TTI1: variants seen among roughly 807,000 people sequenced by gnomAD.
TTI1 encodes TELO2 interacting protein 1.
TTI1 carries 52 observed loss-of-function variants against 85.4 expected under a neutral mutation model. The observed-to-expected ratio is 0.61, with a 90% confidence interval of 0.49 to 0.77. The LOEUF is 0.77. Among genes scored for constraint, TTI1 ranks in the 30% least tolerant of loss-of-function variants. The pLI is 0.00. For synonymous variants in TTI1, 512 were observed against 503.9 expected, an observed-to-expected ratio of 1.02 and a Z score of -0.22; for missense variants, 1,173 against 1,296.0, an observed-to-expected ratio of 0.91 and a Z score of 1.46.
intron 7 of TTI1, chr20:37,987,366 T>C (rs1392013797): frequency 4.4e-6 from 2 of 456,628 alleles, no homozygotes; most frequent in Non-Finnish European, 8.8e-6. Context: ...TGGAAAATGT[T>C]CCCAATACAT....
chr20:37,998,819 T>C lies in TTI1; in HGVS notation c.2793+369A>G, dbSNP rs146645724. 3.5e-3 allele frequency among the ~76,000 whole-genome samples: 528 copies of C among 152,292 alleles called. 2 individuals carry two copies. The highest frequency in any genetic ancestry group is 0.012 in the African/African-American group (498 of 41,560). ...CAGTGCAAATATGGTGTGAACTCAATGCTCTGGGTTTGTATCACTTACTAG... is the reference window on the plus strand; with the variant it reads ...CAGTGCAAATATGGTGTGAACTCAACGCTCTGGGTTTGTATCACTTACTAG... On this transcript the variant is annotated intron_variant, in intron 5 of 7. Transcript: ENST00000373447.
At chr20:38,001,836 G>A (rs1331817641) in intron 4 of TTI1, among the ~76,000 whole-genome samples, 2 of 151,996 alleles carry the variant, frequency 1.3e-5, no homozygotes, top group African/African-American at 2.4e-5. Flanking sequence ...CTCCTGCCTC[G>A]GCCTCCCAAG....
At position 38,023,426 on chromosome 20, in the gene TTI1, G is replaced by A. The variant is rs142922095; in HGVS notation, c.-41-9569C>T. ...TGGGAATCTACAATTTTAAAACTTT[G>A]CAAGGTCAGTCCCATGGCCACTGAG... On this transcript the variant is annotated intron_variant, in intron 1 of 7. Transcript: ENST00000373447. 3.4e-3 allele frequency among the ~76,000 whole-genome samples: 524 copies of A among 152,300 alleles called. 2 individuals carry two copies. Among genetic ancestry groups the A allele is most frequent in the African/African-American group, 0.012 (495 of 41,568 alleles).
chr20:38,002,915 G>A, intron 3 of TTI1, 139 bp from the exon 4 acceptor site: 1 of 1,179,948 alleles, frequency 8.5e-7, no homozygotes, highest in South Asian at 1.4e-5. Context: ...TCCACTCAAG[G>A]GGGAATAGGT....
chr20:37,984,294 T>C (rs1229123405), intron 7 of TTI1, among the ~76,000 whole-genome samples: 1 of 152,220 alleles, frequency 6.6e-6, no homozygotes, highest in Non-Finnish European at 1.5e-5. Flanking sequence ...CAGGACTGGC[T>C]GAGCTCTGCT....
intron 1 of TTI1, among the ~76,000 whole-genome samples, chr20:38,025,168 C>A (rs902771033): frequency 2.0e-5 from 3 of 152,172 alleles, no homozygotes; most frequent in African/African-American, 2.4e-5. Flanking sequence ...ACAGCCTAAA[C>A]AGACAAAACA....
intron 7 of TTI1, among the ~76,000 whole-genome samples, chr20:37,990,136 T>G (rs951848797): frequency 6.6e-6 from 1 of 152,244 alleles, no homozygotes; most frequent in African/African-American, 2.4e-5. Context: ...CTAACTGTAT[T>G]GTCTATATTA....
At chr20:38,021,436 G>C (rs377014756) in intron 1 of TTI1, among the ~76,000 whole-genome samples, 1 of 152,192 alleles carries the variant, frequency 6.6e-6, no homozygotes, top group African/African-American at 2.4e-5. Context: ...ATTACTTAGA[G>C]TGGTGCTGCA....
chr20:38,031,409 G>C lies in TTI1; in HGVS notation c.-42+1995C>G, dbSNP rs1429511919. ...AAATGCCAACAATGGTATAAACTTGGTTTTCCCTCTTCCTGGAACAATGGC... is the reference window on the plus strand; with the variant it reads ...AAATGCCAACAATGGTATAAACTTGCTTTTCCCTCTTCCTGGAACAATGGC... On this transcript the variant is annotated intron_variant, in intron 1 of 7. Coordinates refer to ENST00000373447, the MANE Select transcript of TTI1 (RefSeq NM_001303457.2). Among the ~76,000 whole-genome samples, 3 of 152,138 alleles carry C rather than the reference G, an allele frequency of 2.0e-5. No individual in the cohort carries two copies. The East Asian group carries it at 5.8e-4, about 29-fold the overall frequency.
chr20:38,000,718 G>C (rs2073414466), intron 4 of TTI1, among the ~76,000 whole-genome samples: 1 of 152,208 alleles, frequency 6.6e-6, no homozygotes, highest in Non-Finnish European at 1.5e-5. Flanking sequence ...GGGGATCAGG[G>C]GAGCAGAGTG....
At chr20:38,003,104 G>A (rs1303985122) in intron 3 of TTI1, among the ~76,000 whole-genome samples, 1 of 152,110 alleles carries the variant, frequency 6.6e-6, no homozygotes, top group African/African-American at 2.4e-5. Flanking sequence ...AGGACTACAG[G>A]TGCATGTCAC....
In TTI1 at chr20:38,020,323, A is replaced by AATATATAT. The variant is rs1159604655; in HGVS notation, c.-41-6474_-41-6467dup. On this transcript the variant is annotated intron_variant, in intron 1 of 7. Coordinates refer to ENST00000373447, the MANE Select transcript of TTI1 (RefSeq NM_001303457.2). Reference sequence around the variant, plus strand: ...GGCTACTCATATGAAAAAAAAAAAAAATATATATATATATATATATATATA... The same window carrying AATATATAT: ...GGCTACTCATATGAAAAAAAAAAAAAATATATATATATATATATATATATATATATATA... Among the ~76,000 whole-genome samples, 197 of 50,342 alleles carry AATATATAT rather than the reference A, an allele frequency of 3.9e-3. 3 individuals carry two copies. Among genetic ancestry groups the AATATATAT allele is most frequent in the African/African-American group, 0.013 (148 of 11,204 alleles). 33.0% of individuals were successfully genotyped at this position (50,342 alleles called of 152,430 possible). A position where few individuals can be genotyped will look rare whatever the true frequency, so the allele number is the denominator to read the frequency against.
intron 1 of TTI1, among the ~76,000 whole-genome samples, chr20:38,031,050 C>G (rs2073899825): frequency 6.6e-6 from 1 of 152,162 alleles, no homozygotes; most frequent in African/African-American, 2.4e-5. Flanking sequence ...TCTAAAATAT[C>G]CCCAGAACTG....
At chr20:38,007,347 C>A (rs2073516218) in intron 2 of TTI1, among the ~76,000 whole-genome samples, 1 of 152,146 alleles carries the variant, frequency 6.6e-6, no homozygotes, top group Non-Finnish European at 1.5e-5. Flanking sequence ...GGTAAGTCAC[C>A]ACAGAATAAA....
In TTI1 at chr20:38,002,655, TGAC is replaced by T; in HGVS notation, c.2622_2624del (p.Ser875del). 3.7e-6 allele frequency: 6 copies of T among 1,614,208 alleles called. No individual in the cohort carries two copies. Among genetic ancestry groups the T allele is most frequent in the African/African-American group, 1.3e-5 (1 of 75,058 alleles). On this transcript the variant is annotated inframe_deletion, in exon 4 of 8. Coordinates refer to ENST00000373447, the MANE Select transcript of TTI1 (RefSeq NM_001303457.2). ...TCAGGCGGATTTGCAGATTTTTATC[TGAC>T]AACAAGTGGATGCAGCGTTCCATCA...
At chr20:38,020,816 G>A (rs1264249802) in intron 1 of TTI1, among the ~76,000 whole-genome samples, 1 of 152,104 alleles carries the variant, frequency 6.6e-6, no homozygotes, top group Non-Finnish European at 1.5e-5. Context: ...ACATCCATGA[G>A]AAGAGCTAAA....
intron 1 of TTI1, among the ~76,000 whole-genome samples, chr20:38,027,845 AC>A (rs1451234595): frequency 6.6e-6 from 1 of 151,986 alleles, no homozygotes; most frequent in African/African-American, 2.4e-5. Flanking sequence ...AATCACTTGA[AC>A]CCGGGAGGCG....
intron 1 of TTI1, among the ~76,000 whole-genome samples, chr20:38,026,199 A>G (rs2073834648): frequency 6.6e-6 from 1 of 152,150 alleles, no homozygotes; most frequent in Non-Finnish European, 1.5e-5. Flanking sequence ...TCATTCTGTC[A>G]CCAAGGCTGG....
Position 37,999,171 on chromosome 20 carries a change from G to T in TTI1, c.2793+17C>A. On this transcript the variant is annotated intron_variant, in intron 5 of 7. Coordinates refer to ENST00000373447, the MANE Select transcript of TTI1 (RefSeq NM_001303457.2). The stretch of plus-strand genomic sequence containing the variant: ...CTCTACCCTCACAACAGACCATGGG[G>T]GATGCTGGTGCAGTACCTTGAAGGC... 7.2e-7 allele frequency: 1 copy of T among 1,394,466 alleles called. No individual in the cohort carries two copies. Among genetic ancestry groups the T allele is most frequent in the Non-Finnish European group, 9.4e-7 (1 of 1,064,550 alleles). 86.4% of individuals were successfully genotyped at this position (1,394,466 alleles called of 1,614,324 possible).
Sources: gnomAD v4.1 joint callset for allele counts (sites outside exome capture counted in the v4.1 genomes callset) on GRCh38, gnomAD v4.1.1 for gene constraint, MANE v1.5 for transcripts, NCBI Gene and HGNC (gene_info 2026-07-23, HGNC 2026-07-21) for gene names.